Variants in TRMO observed in about 807,000 individuals in gnomAD.
The protein encoded by TRMO is tRNA (adenine(37)-N6)-methyltransferase.
In TRMO, 30 loss-of-function variants were observed where a neutral mutation model predicts 37.2. The observed-to-expected ratio is 0.81, with a 90% CI of 0.60 to 1.09. The LOEUF is 1.09. TRMO is among the 50% of genes least tolerant of loss of function. TRMO has a pLI of 0.00. For missense variants in TRMO, 552 were observed against 549.5 expected (o/e 1.00, Z -0.05); for synonymous variants, 239 against 199.4 (o/e 1.20, Z -1.67).
intron 4 of TRMO, among the ~76,000 whole-genome samples, chr9:97,906,428 AG>A: frequency 6.6e-6 from 1 of 152,214 alleles, no homozygotes; most frequent in East Asian, 1.9e-4. Context: ...TTCTCCTCTC[AG>A]AGTGCCCACA....
Position 97,922,273 on chromosome 9 carries a change from A to G in TRMO, c.76+145T>C, listed in dbSNP as rs1269267579. On this transcript the variant is annotated intron_variant, in intron 1 of 4. Transcript: ENST00000375119. ...CCAAAGCACATCACGTGGTCTCCGC[A>G]GCACGTGACCCGTGCCTTCGCCGTA... 3.2e-5 allele frequency: 20 copies of G among 630,984 alleles called. No homozygotes were observed. In the South Asian group the frequency reaches 3.6e-4, roughly 11 times the overall value. The allele number at this position is 630,984 out of a possible 1,614,324, so 39.1% of individuals were successfully genotyped here. A position where few individuals can be genotyped will look rare whatever the true frequency, so the allele number is the denominator to read the frequency against.
intron 1 of TRMO, 30 bp from the exon 2 acceptor site, chr9:97,916,368 T>C (rs1826362672): frequency 6.4e-7 from 1 of 1,553,770 alleles, no homozygotes; most frequent in African/African-American, 1.4e-5. Context: ...AAAAAGTTAT[T>C]AGTCAAAAGG....
intron 3 of TRMO, 92 bp from the exon 4 acceptor site, chr9:97,910,708 C>A (rs1826085771): frequency 3.6e-6 from 5 of 1,383,942 alleles, no homozygotes; most frequent in South Asian, 1.3e-5. Context: ...TCTGCTTACG[C>A]CTCACTGCAC....
In TRMO at chr9:97,904,751, C is replaced by T. The variant is rs1825784031; in HGVS notation, c.1308G>A (p.Leu436=). 6.2e-7 allele frequency: 1 copy of T among 1,613,906 alleles called. No individual in the cohort carries two copies. Among genetic ancestry groups the T allele is most frequent in the African/African-American group, 1.3e-5 (1 of 74,888 alleles). Residue 436 remains leucine, a synonymous_variant, in exon 5 of 5, where the codon TTG becomes TTA. Coordinates refer to ENST00000375119, the MANE Select transcript of TRMO (RefSeq NM_016481.5). ...AGGCTCCTTAAGACCCTAGAGACAC[C>T]AAGGACCCCACAGGGCCAGTCATAT... The part of the protein sequence containing the change: ...PVHMTGPVGS[L]VSLGS
At chr9:97,908,134 T>C (rs1214766251) in intron 4 of TRMO, among the ~76,000 whole-genome samples, 1 of 151,962 alleles carries the variant, frequency 6.6e-6, no homozygotes, top group Non-Finnish European at 1.5e-5. Flanking sequence ...CAAAATAGGT[T>C]GGGCACGGTG....
chr9:97,918,118 C>T (rs1447782310), intron 1 of TRMO, among the ~76,000 whole-genome samples: 3 of 151,406 alleles, frequency 2.0e-5, no homozygotes, highest in Admixed American at 6.6e-5. Context: ...CGGTGGCTCA[C>T]GCCTGTAATC....
chr9:97,922,305 A>G (rs1000579982), intron 1 of TRMO, 113 bp downstream of exon 1: 2 of 726,912 alleles, frequency 2.8e-6, no homozygotes, highest in Admixed American at 2.7e-5. Flanking sequence ...CGTAGGTAAA[A>G]GAATGACGCA....
rs551665582 is a variant in TRMO, at chr9:97,920,242, G to C, written c.76+2176C>G. On this transcript the variant is annotated intron_variant, in intron 1 of 4. Transcript: ENST00000375119. ...CCAGTACATTGACAGAGAAAGACAA[G>C]TAAATCAACAATTCTAGCTAGGTGC... 5.3e-5 allele frequency among the ~76,000 whole-genome samples: 8 copies of C among 152,344 alleles called. No individual in the cohort carries two copies. The East Asian group carries it at 1.5e-3, about 29-fold the overall frequency.
chr9:97,904,722 A>AG lies in TRMO; in HGVS notation c.*10dup. 6.2e-7 allele frequency: 1 copy of AG among 1,613,074 alleles called. No individual in the cohort carries two copies. On this transcript the variant is annotated 3_prime_UTR_variant, in exon 5 of 5. Coordinates refer to ENST00000375119, the MANE Select transcript of TRMO (RefSeq NM_016481.5). ...TCAATGATGCTACCTTAAAGACATG[A>AG]GGGAGGCTCCTTAAGACCCTAGAGA...
At position 97,910,041 on chromosome 9, in the gene TRMO, C is replaced by T. The variant is rs752011184; in HGVS notation, c.985G>A (p.Val329Met). Residue 329 changes from valine to methionine, a missense_variant, in exon 4 of 5, where the codon GTG (valine) becomes ATG (methionine). Transcript: ENST00000375119. ...GAPRSVVPAW[V>M]TEAPVATLEV... The stretch of plus-strand genomic sequence containing the variant: ...AAAGTGGCCACAGGAGCCTCTGTCA[C>T]CCAGGCAGGAACCACGCTGCGGGGA... 9.3e-6 allele frequency: 15 copies of T among 1,610,010 alleles called. No individual in the cohort carries two copies. The highest frequency in any genetic ancestry group is 6.7e-5 in the African/African-American group (5 of 74,746).
chr9:97,920,761 T>C (rs560466872), intron 1 of TRMO, among the ~76,000 whole-genome samples: 1 of 152,356 alleles, frequency 6.6e-6, no homozygotes, highest in East Asian at 1.9e-4. Flanking sequence ...TTACCCTTCT[T>C]AGGCTTTCTG....
intron 4 of TRMO, among the ~76,000 whole-genome samples, chr9:97,906,315 T>C (rs974835957): frequency 6.6e-6 from 1 of 152,190 alleles, no homozygotes; most frequent in African/African-American, 2.4e-5. Context: ...CTTGGCCGTT[T>C]ATCTGGCATG....
At chr9:97,909,839 G>A in intron 4 of TRMO, 121 bp downstream of exon 4, 1 of 696,778 alleles carries the variant, frequency 1.4e-6, no homozygotes, top group East Asian at 2.7e-5. Flanking sequence ...TTTTATACCT[G>A]TTTCCTAAAA....
chr9:97,922,050 A>T lies in TRMO; in HGVS notation c.76+368T>A, dbSNP rs146680138. Among the ~76,000 whole-genome samples, 374 of 152,026 alleles carry T rather than the reference A, an allele frequency of 2.5e-3. 7 individuals are homozygous for T. The East Asian group carries it at 0.057, about 23-fold the overall frequency. ...TTCCCCCTTCTCTGTCCTCATTCCT[A>T]CAGCGCAGGATGCCTCTCTATGGCA... On this transcript the variant is annotated intron_variant, in intron 1 of 4. Transcript: ENST00000375119.
intron 1 of TRMO, among the ~76,000 whole-genome samples, chr9:97,918,774 TC>T (rs1404280698): frequency 6.6e-6 from 1 of 152,172 alleles, no homozygotes; most frequent in Admixed American, 6.5e-5. Flanking sequence ...ACACCACCCA[TC>T]CCAAAAACTA....
In TRMO at chr9:97,916,205, A is replaced by G. The variant is rs1226659079; in HGVS notation, c.210T>C (p.Pro70=). 1 of 1,613,578 alleles carries G rather than the reference A, an allele frequency of 6.2e-7. No homozygotes were observed. Among genetic ancestry groups the G allele is most frequent in the South Asian group, 1.1e-5 (1 of 90,926 alleles). ...GTTCTAGGCCCATCAAGGAATGTTC[A>G]GGATTATTAAAGATCCTCTTTCTAA... is the stretch of plus-strand genomic sequence containing the variant. ...LRIRKRIFNN[P]EHSLMGLEQF... is the part of the protein sequence containing the mutation. The change falls in exon 2 of 5, where the codon CCT becomes CCC. Residue 70 remains proline (P), a synonymous_variant. Transcript: ENST00000375119.
Position 97,904,937 on chromosome 9 carries a change from G to T in TRMO, c.1122C>A (p.Ala374=), listed in dbSNP as rs1346982884. 9 of 1,614,134 alleles carry T rather than the reference G, an allele frequency of 5.6e-6. No individual in the cohort carries two copies. The highest frequency in any genetic ancestry group is 7.6e-6 in the Non-Finnish European group (9 of 1,179,996). ...GATCCGCTGACAGCACAGCCTCAAT[G>T]GCACGCTTTGCTTCCTCTGCTGACT... is the stretch of plus-strand genomic sequence containing the variant. ...YFQSAEEAKR[A]IEAVLSADPR... The change falls in exon 5 of 5, where the codon GCC becomes GCA. Residue 374 remains alanine (A), a synonymous_variant. Coordinates refer to ENST00000375119, the MANE Select transcript of TRMO (RefSeq NM_016481.5).
At chr9:97,917,270 G>C (rs1383218911) in intron 1 of TRMO, among the ~76,000 whole-genome samples, 3 of 152,132 alleles carry the variant, frequency 2.0e-5, no homozygotes, top group Non-Finnish European at 2.9e-5. Context: ...GAAAGCAACA[G>C]AACATATGAA....
rs746015775 is a variant in TRMO at position 97,910,563 on chromosome 9, C to A, written c.463G>T (p.Asp155Tyr). The stretch of plus-strand genomic sequence containing the variant: ...TACTCAGCTATGTAGGGCTTGATGT[C>A]TAGTACGGGTGTGCCATGTATCATG... ...IDMIHGTPVLDIKPYIAEYDS... is the reference protein window; with the variant it reads ...IDMIHGTPVLYIKPYIAEYDS... Residue 155 changes from aspartate (D) to tyrosine (Y), a missense_variant, in exon 4 of 5, where the codon GAC (aspartate) becomes TAC (tyrosine). Physicochemically the swap from Asp to Tyr is radical, Grantham distance 160 (BLOSUM62 -3). Transcript: ENST00000375119. The A allele has an allele frequency of 1.2e-6, 2 of 1,614,076 alleles. No homozygotes were observed. The highest frequency in any genetic ancestry group is 1.7e-6 in the Non-Finnish European group (2 of 1,179,972).
Sources: allele counts gnomAD v4.1 joint callset (sites outside exome capture counted in the v4.1 genomes callset), GRCh38; gene constraint gnomAD v4.1.1; transcripts MANE v1.5; gene names NCBI Gene and HGNC (gene_info 2026-07-23, HGNC 2026-07-21).